Variants in LRP6 observed in about 807,000 individuals in gnomAD.
The protein encoded by LRP6 is LDL receptor related protein 6, also known as low-density lipoprotein receptor-related protein 6.
LRP6 carries 43 observed loss-of-function variants against 184.1 expected under a neutral mutation model. The ratio of observed to expected loss-of-function variants is 0.23; its 90% confidence interval spans 0.18 to 0.30. The LOEUF is 0.30. Among genes scored for constraint, LRP6 ranks in the 10% least tolerant of loss-of-function variants. LRP6 has a pLI of 1.00. For synonymous variants in LRP6, 719 were observed against 684.9 expected (o/e 1.05, Z -0.78); for missense variants, 1,571 against 2,005.3 (o/e 0.78, Z 4.14).
intron 7 of LRP6, 73 bp from the exon 8 acceptor site, chr12:12,165,368 C>A: frequency 9.7e-7 from 1 of 1,027,624 alleles, no homozygotes; most frequent in East Asian, 2.4e-5. Flanking sequence ...ACAAATCCAA[C>A]TGCCTGTTGT....
At chr12:12,164,898 G>A (rs192985884) in intron 8 of LRP6, among the ~76,000 whole-genome samples, 181 bp downstream of exon 8, 39 of 97,906 alleles carry the variant, frequency 4.0e-4, no homozygotes, top group Admixed American at 1.3e-3. Context: ...GTAAGTCAAC[G>A]TTTAAAAGGT....
intron 2 of LRP6, among the ~76,000 whole-genome samples, chr12:12,236,336 A>C (rs1288823308): frequency 6.6e-6 from 1 of 152,264 alleles, no homozygotes; most frequent in Non-Finnish European, 1.5e-5. Context: ...AATTTGAGCA[A>C]GAAAATCATG....
chr12:12,207,391 C>T (rs574747947), intron 2 of LRP6, among the ~76,000 whole-genome samples: 1 of 152,134 alleles, frequency 6.6e-6, no homozygotes, highest in East Asian at 1.9e-4. Context: ...TGATGGTGTG[C>T]ACCTGTAGTC....
chr12:12,203,437 C>A (rs1239170289), intron 2 of LRP6, 37 bp from the exon 3 acceptor site: 1 of 1,496,936 alleles, frequency 6.7e-7, no homozygotes, highest in Non-Finnish European at 9.3e-7. Flanking sequence ...CATGACAGAG[C>A]AGATATCAAT....
At chr12:12,243,812 G>A (rs1001212572) in intron 2 of LRP6, among the ~76,000 whole-genome samples, 2 of 152,170 alleles carry the variant, frequency 1.3e-5, no homozygotes, top group African/African-American at 2.4e-5. Flanking sequence ...GTGCAGTGGT[G>A]CGATCTCAGC....
Position 12,192,154 on chromosome 12 carries a change from GGAGA to G in LRP6, c.648-5039_648-5036del, listed in dbSNP as rs1299607225. On this transcript the variant is annotated intron_variant, in intron 3 of 22. Transcript: ENST00000261349. ...AATGACAATAATAGCAGAAAGGATGGGAGAGAGAATGGAGATATACTTAGAGTAA... is the reference window on the plus strand; with the variant it reads ...AATGACAATAATAGCAGAAAGGATGGGAGAATGGAGATATACTTAGAGTAA... 4.6e-5 allele frequency among the ~76,000 whole-genome samples: 7 copies of G among 152,046 alleles called. No individual in the cohort carries two copies. In the East Asian group the frequency reaches 7.7e-4, roughly 17 times the overall value.
chr12:12,189,082 G>C (rs1196851712), intron 3 of LRP6, among the ~76,000 whole-genome samples: 1 of 152,124 alleles, frequency 6.6e-6, no homozygotes, highest in African/African-American at 2.4e-5. Context: ...TCACTCTACT[G>C]AACTAAACAT....
chr12:12,220,843 G>A (rs149660964), intron 2 of LRP6, among the ~76,000 whole-genome samples: 6 of 152,146 alleles, frequency 3.9e-5, no homozygotes, highest in South Asian at 2.1e-4. Flanking sequence ...AAAGTGATCC[G>A]CCCACCTCAG....
At chr12:12,169,911 T>C (rs1316237142) in intron 7 of LRP6, among the ~76,000 whole-genome samples, 2 of 152,348 alleles carry the variant, frequency 1.3e-5, no homozygotes, top group South Asian at 4.1e-4. Flanking sequence ...GATCTCCTTG[T>C]TCTCATCTGG....
intron 19 of LRP6, among the ~76,000 whole-genome samples, chr12:12,127,240 T>C (rs1565530649): frequency 1.3e-5 from 2 of 152,112 alleles, no homozygotes; most frequent in African/African-American, 4.8e-5. Flanking sequence ...AAGCTTTAAA[T>C]AAATAAACAG....
chr12:12,118,551 T>G lies in LRP6; in HGVS notation c.*2575A>C, dbSNP rs1457959215. 6.6e-6 allele frequency: 1 copy of G among 152,230 alleles called. No individual in the cohort carries two copies. The allele number at this position is 152,230 out of a possible 1,614,324, so 9.4% of individuals were successfully genotyped here. A position where few individuals can be genotyped will look rare whatever the true frequency, so the allele number is the denominator to read the frequency against. ...AAAAATCCCTTTTCTTTTTTCCCCC[T>G]AATTTGTGATCTCATGCTTTTCCTC... On this transcript the variant is annotated 3_prime_UTR_variant, in exon 23 of 23. Transcript: ENST00000261349.
At chr12:12,230,617 G>A (rs1434738702) in intron 2 of LRP6, among the ~76,000 whole-genome samples, 1 of 151,788 alleles carries the variant, frequency 6.6e-6, no homozygotes, top group African/African-American at 2.4e-5. Flanking sequence ...ATACATATTA[G>A]CAAGTATGAA....
intron 1 of LRP6, chr12:12,249,365 C>T (rs1327319057): frequency 9.7e-7 from 1 of 1,031,922 alleles, no homozygotes; most frequent in Non-Finnish European, 1.5e-6. Context: ...GCTTTGGCGC[C>T]TAATGGTGTC....
chr12:12,187,583 A>T, intron 3 of LRP6: 1 of 193,654 alleles, frequency 5.2e-6, no homozygotes. Flanking sequence ...TTCCTTCTTG[A>T]TGTGGAAGAA....
chr12:12,239,139 G>T (rs1363269704), intron 2 of LRP6, among the ~76,000 whole-genome samples: 1 of 152,150 alleles, frequency 6.6e-6, no homozygotes, highest in African/African-American at 2.4e-5. Context: ...TAGGATTCAA[G>T]GGATAGAAAA....
chr12:12,217,168 C>T (rs1030962199), intron 2 of LRP6, among the ~76,000 whole-genome samples: 6 of 152,120 alleles, frequency 3.9e-5, no homozygotes, highest in African/African-American at 1.4e-4. Flanking sequence ...TATTTATAGC[C>T]GCTCCCTATC....
chr12:12,243,975 T>C (rs890878667), intron 2 of LRP6, among the ~76,000 whole-genome samples: 2 of 152,078 alleles, frequency 1.3e-5, no homozygotes, highest in African/African-American at 4.8e-5. Context: ...TCCCAGCTAC[T>C]TGGGAGGCTG....
intron 2 of LRP6, among the ~76,000 whole-genome samples, chr12:12,223,348 C>A (rs1864538900): frequency 6.6e-6 from 1 of 152,180 alleles, no homozygotes; most frequent in Admixed American, 6.5e-5. Context: ...ATTAGCTACA[C>A]TGAAACCTTG....
At chr12:12,143,629 G>A (rs1406118542) in intron 15 of LRP6, among the ~76,000 whole-genome samples, 19 of 152,292 alleles carry the variant, frequency 1.2e-4, no homozygotes, top group South Asian at 1.2e-3. Context: ...GAGTAGTAGG[G>A]AAAGGACAGT....
Sources: allele counts gnomAD v4.1 joint callset (sites outside exome capture counted in the v4.1 genomes callset), GRCh38; gene constraint gnomAD v4.1.1; transcripts MANE v1.5; gene names NCBI Gene and HGNC (gene_info 2026-07-23, HGNC 2026-07-21).